CHST9: variants seen among roughly 807,000 people sequenced by gnomAD.
CHST9 encodes the protein carbohydrate sulfotransferase 9, also known as GalNAc-4-sulfotransferase 2.
CHST9 carries 41 observed loss-of-function variants against 44.4 expected under a neutral mutation model. That is an observed-to-expected ratio of 0.92 (90% CI 0.72 to 1.20). The LOEUF is 1.20. Ranked by LOEUF, CHST9 falls within the 50% of genes most tolerant of loss-of-function variation. The probability of loss-of-function intolerance (pLI) is 0.00; values close to 1 mark genes in which losing one functional copy is unlikely to be tolerated. For synonymous variants in CHST9, 171 were observed against 178.4 expected (o/e 0.96, Z 0.33); for missense variants, 504 against 516.5 (o/e 0.98, Z 0.23).
At chr18:26,927,416 T>G (rs1410551886) in intron 5 of CHST9, among the ~76,000 whole-genome samples, 1 of 152,040 alleles carries the variant, frequency 6.6e-6, no homozygotes, top group Non-Finnish European at 1.5e-5. Flanking sequence ...GCTCAGCATA[T>G]GGTCTCTGAG....
At position 26,917,361 on chromosome 18, in the gene CHST9, AAAG is replaced by A; in HGVS notation, c.241-14_241-12del. Reference sequence around the variant, plus strand: ...GTGAAACTTGGGGTTCTGTTAAAATAAAGAAGGAGAAATGTTGAAAGCACAGTC... The same window carrying A: ...GTGAAACTTGGGGTTCTGTTAAAATAAAGGAGAAATGTTGAAAGCACAGTC... On this transcript the variant is annotated splice_polypyrimidine_tract_variant and intron_variant, in intron 5 of 5. Transcript: ENST00000618847. 1.2e-6 allele frequency: 2 copies of A among 1,602,548 alleles called. No individual in the cohort carries two copies. Among genetic ancestry groups the A allele is most frequent in the Non-Finnish European group, 1.7e-6 (2 of 1,176,182 alleles).
intron 1 of CHST9, among the ~76,000 whole-genome samples, chr18:27,165,815 A>C (rs1243543986): frequency 6.6e-6 from 1 of 152,190 alleles, no homozygotes; most frequent in African/African-American, 2.4e-5. Flanking sequence ...AAAACATTGT[A>C]TTTTCTAACA....
At chr18:27,089,423 G>C (rs2058045737) in intron 2 of CHST9, among the ~76,000 whole-genome samples, 1 of 152,074 alleles carries the variant, frequency 6.6e-6, no homozygotes, top group South Asian at 2.1e-4. Flanking sequence ...TGTGGAGAAT[G>C]ATGGTTTCCA....
intron 4 of CHST9, among the ~76,000 whole-genome samples, chr18:26,952,897 T>G (rs920397485): frequency 1.3e-5 from 2 of 152,056 alleles, no homozygotes; most frequent in African/African-American, 4.8e-5. Context: ...GAGTTATGGT[T>G]AGCAAGCTGT....
At chr18:27,075,150 GCTTT>G (rs1381315925) in intron 2 of CHST9, among the ~76,000 whole-genome samples, 2 of 145,304 alleles carry the variant, frequency 1.4e-5, no homozygotes, top group Non-Finnish European at 3.0e-5. Context: ...TTTGGGGGTT[GCTTT>G]TTTTGTTTGT....
chr18:26,967,279 G>T (rs1182168), intron 4 of CHST9, among the ~76,000 whole-genome samples: 3 of 151,890 alleles, frequency 2.0e-5, no homozygotes, highest in African/African-American at 4.8e-5. Flanking sequence ...GCTTATATAA[G>T]GGACTGCTTA....
chr18:27,090,891 CT>C (rs2058061783), intron 2 of CHST9, among the ~76,000 whole-genome samples: 2 of 152,160 alleles, frequency 1.3e-5, no homozygotes, highest in South Asian at 4.1e-4. Flanking sequence ...ATGCCTCCAG[CT>C]TTGTTCTTTT....
At chr18:26,956,645 C>T (rs2056330130) in intron 4 of CHST9, among the ~76,000 whole-genome samples, 3 of 151,852 alleles carry the variant, frequency 2.0e-5, no homozygotes, top group African/African-American at 7.3e-5. Context: ...GAGGGAATCC[C>T]ACTTAACGAA....
chr18:26,976,522 T>C (rs774026263), intron 4 of CHST9, among the ~76,000 whole-genome samples: 2 of 152,086 alleles, frequency 1.3e-5, no homozygotes, highest in African/African-American at 4.8e-5. Context: ...CGATTTTGCT[T>C]TCTAGCTGGG....
intron 2 of CHST9, among the ~76,000 whole-genome samples, chr18:27,109,784 T>C (rs1320872087): frequency 6.6e-6 from 1 of 152,032 alleles, no homozygotes; most frequent in Non-Finnish European, 1.5e-5. Context: ...TTTTTTAACC[T>C]CAAGGCTGTG....
chr18:27,144,167 C>T (rs1402981624), intron 1 of CHST9, among the ~76,000 whole-genome samples: 1 of 152,066 alleles, frequency 6.6e-6, no homozygotes, highest in Non-Finnish European at 1.5e-5. Flanking sequence ...TCTGGGTGAG[C>T]CGAATAAATG....
chr18:27,063,975 G>A (rs1288165192), intron 2 of CHST9, among the ~76,000 whole-genome samples: 2 of 152,028 alleles, frequency 1.3e-5, no homozygotes, highest in Non-Finnish European at 2.9e-5. Context: ...AATCCCAAAT[G>A]TGCACAATCC....
intron 5 of CHST9, among the ~76,000 whole-genome samples, chr18:26,937,719 T>G (rs1230612280): frequency 6.6e-6 from 1 of 152,210 alleles, no homozygotes; most frequent in Middle Eastern, 3.2e-3. Flanking sequence ...TTGTTCCTAC[T>G]TCGCAGGGTC....
intron 1 of CHST9, among the ~76,000 whole-genome samples, chr18:27,159,675 A>G (rs2143923854): frequency 6.6e-6 from 1 of 152,280 alleles, no homozygotes; most frequent in East Asian, 1.9e-4. Flanking sequence ...TGGGGATGGC[A>G]TTGAATCTAT....
intron 4 of CHST9, among the ~76,000 whole-genome samples, chr18:26,991,258 TGGAATCCTCTTAATTCTCTAAC>T (rs375860098): frequency 6.0e-4 from 92 of 152,182 alleles, no homozygotes; most frequent in African/African-American, 2.0e-3. Context: ...CATTTGAAAG[TGGAATCCTCTTAATTCTCTAAC>T]GGATTAGATA....
intron 5 of CHST9, among the ~76,000 whole-genome samples, chr18:26,942,328 A>T (rs2056096010): frequency 6.6e-6 from 1 of 152,208 alleles, no homozygotes; most frequent in Non-Finnish European, 1.5e-5. Context: ...AGGATTAGAA[A>T]TATAAGCAAT....
At chr18:26,982,915 G>C (rs1252150919) in intron 4 of CHST9, among the ~76,000 whole-genome samples, 1 of 152,114 alleles carries the variant, frequency 6.6e-6, no homozygotes, top group Non-Finnish European at 1.5e-5. Flanking sequence ...GCTCCTCACA[G>C]TTTTGTGGCA....
intron 4 of CHST9, among the ~76,000 whole-genome samples, chr18:26,972,832 T>G (rs1347908351): frequency 1.3e-5 from 2 of 152,060 alleles, no homozygotes; most frequent in Non-Finnish European, 2.9e-5. Context: ...TCCTTTCAAG[T>G]GTGTGTTTTA....
At chr18:27,080,661 C>T (rs2057951314) in intron 2 of CHST9, among the ~76,000 whole-genome samples, 1 of 152,040 alleles carries the variant, frequency 6.6e-6, no homozygotes, top group Non-Finnish European at 1.5e-5. Flanking sequence ...TTGAGGATGT[C>T]CTGCAGAGTG....
Sources: gnomAD v4.1 joint callset for allele counts (sites outside exome capture counted in the v4.1 genomes callset) on GRCh38, gnomAD v4.1.1 for gene constraint, MANE v1.5 for transcripts, NCBI Gene and HGNC (gene_info 2026-07-23, HGNC 2026-07-21) for gene names.